Variants in SCML4 observed in about 807,000 individuals in gnomAD.
SCML4 encodes the protein Scm polycomb group protein like 4.
SCML4 carries 34 observed loss-of-function variants against 41.1 expected under a neutral mutation model. That is an observed-to-expected ratio of 0.83 (90% CI 0.63 to 1.10). SCML4 has a LOEUF of 1.10. SCML4 is among the 50% of genes least tolerant of loss of function. The pLI, the probability that SCML4 is intolerant of heterozygous loss-of-function variation, is 0.00. For synonymous variants in SCML4, 214 were observed against 220.9 expected, an observed-to-expected ratio of 0.97 and a Z score of 0.28; for missense variants, 522 against 534.1, an observed-to-expected ratio of 0.98 and a Z score of 0.22.
chr6:107,757,059 T>C (rs1476332254), intron 2 of SCML4, among the ~76,000 whole-genome samples: 1 of 152,220 alleles, frequency 6.6e-6, no homozygotes, highest in African/African-American at 2.4e-5. Context: ...TAGAGAATAC[T>C]GCTGGGACAA....
At chr6:107,737,157 T>C (rs1256532574) in intron 5 of SCML4, among the ~76,000 whole-genome samples, 2 of 152,250 alleles carry the variant, frequency 1.3e-5, no homozygotes, top group Non-Finnish European at 2.9e-5. Flanking sequence ...CCCCCAGGTC[T>C]ATCTAGCAGG....
At chr6:107,770,873 C>T (rs953781358) in intron 2 of SCML4, among the ~76,000 whole-genome samples, 1 of 152,124 alleles carries the variant, frequency 6.6e-6, no homozygotes, top group Admixed American at 6.5e-5. Flanking sequence ...TGGATTTGCT[C>T]GATGCATCTA....
At chr6:107,825,792 C>T (rs1230261307), upstream of SCML4, among the ~76,000 whole-genome samples, 1 of 151,820 alleles carries the variant, frequency 6.6e-6, no homozygotes, top group Non-Finnish European at 1.5e-5. Context: ...AAAAAATTAG[C>T]TGGGCGTGGT....
chr6:107,755,182 T>C (rs1194057675), intron 2 of SCML4, among the ~76,000 whole-genome samples: 1 of 152,162 alleles, frequency 6.6e-6, no homozygotes, highest in Non-Finnish European at 1.5e-5. Flanking sequence ...TAATTGGCTG[T>C]TACTTCTGTC....
chr6:107,807,735 G>T (rs896916072), intron 1 of SCML4, among the ~76,000 whole-genome samples: 3 of 152,140 alleles, frequency 2.0e-5, no homozygotes, highest in Non-Finnish European at 4.4e-5. Context: ...CCATTTCCCC[G>T]CAGAGCACAT....
At chr6:107,786,322 T>C (rs1300689594) in intron 1 of SCML4, among the ~76,000 whole-genome samples, 1 of 152,212 alleles carries the variant, frequency 6.6e-6, no homozygotes, top group Non-Finnish European at 1.5e-5. Context: ...AGTGTCAGTT[T>C]CTGCCTGAAA....
In SCML4 at chr6:107,808,176, A is replaced by G. The variant is rs552439874; in HGVS notation, c.-60+15950T>C. Among the ~76,000 whole-genome samples the G allele has an allele frequency of 1.6e-3, 245 of 152,322 alleles. 1 individual carries two copies. The highest frequency in any genetic ancestry group is 5.7e-3 in the African/African-American group (238 of 41,554). ...GAGTCAGAGGAAAGCCAAAGGGGGA[A>G]AAAACCTCTTTGGAATGTTTCACAA... On this transcript the variant is annotated intron_variant, in intron 1 of 7. Transcript: ENST00000369020.
chr6:107,746,429 G>T, intron 4 of SCML4: 1 of 429,002 alleles, frequency 2.3e-6, no homozygotes, highest in Non-Finnish European at 4.1e-6. Context: ...AGCAAAAACC[G>T]GTGAGTTGGA....
chr6:107,746,915 C>G, intron 3 of SCML4, 26 bp from the exon 4 acceptor site: 2 of 1,592,404 alleles, frequency 1.3e-6, no homozygotes, highest in Admixed American at 1.7e-5. Flanking sequence ...TCACAAAGCC[C>G]TCGGCATCAG....
upstream of SCML4, among the ~76,000 whole-genome samples, chr6:107,826,579 C>T (rs1785267399): frequency 6.6e-6 from 1 of 152,190 alleles, no homozygotes; most frequent in Non-Finnish European, 1.5e-5. Flanking sequence ...AGAATCTACC[C>T]ATAAGAAAGG....
intron 6 of SCML4, among the ~76,000 whole-genome samples, chr6:107,709,284 C>T (rs1442410206): frequency 1.3e-5 from 2 of 152,176 alleles, no homozygotes; most frequent in Non-Finnish European, 2.9e-5. Context: ...GCTCTGGTGC[C>T]AGAGAGACCT....
At chr6:107,729,409 T>A (rs1253625279) in intron 5 of SCML4, among the ~76,000 whole-genome samples, 1 of 152,190 alleles carries the variant, frequency 6.6e-6, no homozygotes, top group Non-Finnish European at 1.5e-5. Flanking sequence ...CAAATTTCCT[T>A]CTTCTTCTAA....
chr6:107,816,313 C>T (rs1488298994), intron 1 of SCML4, among the ~76,000 whole-genome samples: 1 of 152,232 alleles, frequency 6.6e-6, no homozygotes. Flanking sequence ...ATCATCCATA[C>T]AGCATTTATG....
intron 5 of SCML4, among the ~76,000 whole-genome samples, chr6:107,740,574 G>C (rs866176163): frequency 3.3e-5 from 5 of 152,160 alleles, no homozygotes; most frequent in Non-Finnish European, 5.9e-5. Flanking sequence ...ACCAGATGTG[G>C]GCCATCAGAA....
intron 1 of SCML4, among the ~76,000 whole-genome samples, chr6:107,802,375 T>C (rs1458533241): frequency 2.6e-5 from 4 of 152,168 alleles, no homozygotes; most frequent in South Asian, 4.2e-4. Flanking sequence ...GCTATGGGCA[T>C]ATGGGAGTGA....
At chr6:107,757,343 TC>T (rs1779198780) in intron 2 of SCML4, among the ~76,000 whole-genome samples, 1 of 152,184 alleles carries the variant, frequency 6.6e-6, no homozygotes, top group South Asian at 2.1e-4. Context: ...CAAGGATTTT[TC>T]TAGAAACATC....
At chr6:107,729,044 G>A (rs769892917) in intron 5 of SCML4, among the ~76,000 whole-genome samples, 5 of 152,186 alleles carry the variant, frequency 3.3e-5, no homozygotes, top group Non-Finnish European at 5.9e-5. Flanking sequence ...TCGGTGGCAG[G>A]AAGGAAAAGG....
intron 5 of SCML4, among the ~76,000 whole-genome samples, chr6:107,723,075 G>A (rs1775593831): frequency 6.8e-6 from 1 of 147,378 alleles, no homozygotes; most frequent in Non-Finnish European, 1.5e-5. Flanking sequence ...AGGAAAGAGA[G>A]ATGATTCAAA....
At position 107,749,733 on chromosome 6, in the gene SCML4, AG is replaced by A. The variant is rs1344014899; in HGVS notation, c.236del (p.Pro79LeufsTer101). The A allele has an allele frequency of 1.9e-6, 3 of 1,613,782 alleles. No individual in the cohort carries two copies. In the African/African-American group the frequency reaches 4.0e-5, roughly 22 times the overall value. ...AGCTGGGGACCGTGGCTGCGTCCTG[AG>A]GGATGGAGCTGAGGTCGGGCTCTGG... ...STPEPDLSSI[P>X]QDAATVPSLA... is the part of the protein sequence containing the mutation. On this transcript the variant is annotated frameshift_variant, in exon 3 of 8. Transcript: ENST00000369020. LOFTEE classifies it high-confidence loss of function.
Sources: gnomAD v4.1 joint callset for allele counts (sites outside exome capture counted in the v4.1 genomes callset) on GRCh38, gnomAD v4.1.1 for gene constraint, MANE v1.5 for transcripts, NCBI Gene and HGNC (gene_info 2026-07-23, HGNC 2026-07-21) for gene names.